The following AGBL4 variants were observed in gnomAD, a reference collection of about 807,000 sequenced individuals.
AGBL4 encodes cytosolic carboxypeptidase 6.
Under a neutral mutation model 66.4 loss-of-function variants are expected in AGBL4, and 58 were observed. The observed-to-expected ratio is 0.87, with a 90% confidence interval of 0.71 to 1.09. AGBL4 has a LOEUF of 1.09. Among genes scored for constraint, AGBL4 ranks in the 50% least tolerant of loss-of-function variants. The probability of loss-of-function intolerance (pLI) is 0.00; values close to 1 mark genes in which losing one functional copy is unlikely to be tolerated. For synonymous variants in AGBL4, 234 were observed against 222.9 expected, an observed-to-expected ratio of 1.05 and a Z score of -0.44; for missense variants, 579 against 631.0, an observed-to-expected ratio of 0.92 and a Z score of 0.88.
intron 5 of AGBL4, among the ~76,000 whole-genome samples, chr1:48,898,991 C>A (rs564692268): frequency 6.6e-6 from 1 of 152,340 alleles, no homozygotes; most frequent in South Asian, 2.1e-4. Flanking sequence ...TCCCCGACCC[C>A]AGAGTGATTG....
At chr1:49,574,170 G>T (rs555390279) in intron 3 of AGBL4, among the ~76,000 whole-genome samples, 1 of 152,096 alleles carries the variant, frequency 6.6e-6, no homozygotes, top group Admixed American at 6.6e-5. Flanking sequence ...GAACTGTTTC[G>T]GTTCTCTAAT....
chr1:49,389,247 T>C lies in AGBL4; in HGVS notation c.283-143383A>G, dbSNP rs192252866. ...GGGAGATCATCTGCCATCAATTTTTTTTTTATGTGTAAAAAGAGACTCAGA... is the reference window on the plus strand; with the variant it reads ...GGGAGATCATCTGCCATCAATTTTTCTTTTATGTGTAAAAAGAGACTCAGA... On this transcript the variant is annotated intron_variant, in intron 3 of 13. Transcript: ENST00000371839. Among the ~76,000 whole-genome samples the C allele has an allele frequency of 4.4e-4, 67 of 152,178 alleles. 1 individual carries two copies. The highest frequency in any genetic ancestry group is 1.4e-3 in the African/African-American group (60 of 41,534).
chr1:50,011,419 C>G (rs1205613656), intron 1 of AGBL4, among the ~76,000 whole-genome samples: 1 of 152,122 alleles, frequency 6.6e-6, no homozygotes, highest in African/African-American at 2.4e-5. Flanking sequence ...AGGGAACCCT[C>G]GTATACTGCT....
chr1:49,105,848 CT>C (rs1159638668), intron 4 of AGBL4, among the ~76,000 whole-genome samples: 3 of 152,230 alleles, frequency 2.0e-5, no homozygotes, highest in South Asian at 4.1e-4. Flanking sequence ...ATAAATGTTC[CT>C]TTTTTTGATG....
intron 5 of AGBL4, among the ~76,000 whole-genome samples, chr1:48,963,501 C>CTTT (rs1170684735): frequency 6.9e-6 from 1 of 144,026 alleles, no homozygotes; most frequent in African/African-American, 2.6e-5. Flanking sequence ...TAGAATTCAT[C>CTTT]TTTTTTTTTT....
intron 6 of AGBL4, among the ~76,000 whole-genome samples, chr1:48,723,907 C>T (rs1161818510): frequency 2.0e-5 from 3 of 152,280 alleles, no homozygotes; most frequent in Admixed American, 6.5e-5. Context: ...TGTAAATGGG[C>T]CACTTGGGTG....
At chr1:49,132,639 G>C (rs942771603) in intron 4 of AGBL4, among the ~76,000 whole-genome samples, 1 of 151,844 alleles carries the variant, frequency 6.6e-6, no homozygotes, top group Non-Finnish European at 1.5e-5. Flanking sequence ...GATCGAGCAG[G>C]GTATTATTGT....
intron 1 of AGBL4, among the ~76,000 whole-genome samples, chr1:49,966,155 G>T (rs936400625): frequency 1.3e-5 from 2 of 151,750 alleles, no homozygotes; most frequent in Non-Finnish European, 2.9e-5. Context: ...TGTTAGCCAG[G>T]GTGGTCTCAA....
At chr1:49,111,659 T>C (rs1222026227) in intron 4 of AGBL4, among the ~76,000 whole-genome samples, 1 of 152,240 alleles carries the variant, frequency 6.6e-6, no homozygotes, top group Non-Finnish European at 1.5e-5. Flanking sequence ...AAATTATATA[T>C]GTATTTCATT....
intron 1 of AGBL4, among the ~76,000 whole-genome samples, chr1:49,915,546 C>A (rs558520447): frequency 6.6e-6 from 1 of 152,140 alleles, no homozygotes; most frequent in African/African-American, 2.4e-5. Context: ...AAGGGGCACC[C>A]GCCATTGCTG....
At chr1:49,500,154 G>T (rs990226515) in intron 3 of AGBL4, among the ~76,000 whole-genome samples, 15 of 151,976 alleles carry the variant, frequency 9.9e-5, no homozygotes, top group Admixed American at 9.8e-4. Context: ...TCATATGTTT[G>T]TTAGCCATTT....
intron 11 of AGBL4, 122 bp downstream of exon 11, chr1:48,586,882 T>G: frequency 3.8e-6 from 5 of 1,310,180 alleles, no homozygotes; most frequent in Non-Finnish European, 5.4e-6. Context: ...AAGAAGCACC[T>G]CCATCCTCAC....
At chr1:48,657,976 A>T (rs1399596067) in intron 7 of AGBL4, among the ~76,000 whole-genome samples, 2 of 152,200 alleles carry the variant, frequency 1.3e-5, no homozygotes, top group East Asian at 3.9e-4. Flanking sequence ...CTATATTTTT[A>T]GTGCCTAGCT....
At chr1:49,333,463 C>T (rs1436151584) in intron 3 of AGBL4, among the ~76,000 whole-genome samples, 2 of 152,046 alleles carry the variant, frequency 1.3e-5, no homozygotes, top group East Asian at 1.9e-4. Flanking sequence ...GGCAACAGAG[C>T]GAGACTCTGT....
intron 5 of AGBL4, among the ~76,000 whole-genome samples, chr1:48,912,988 G>A (rs1414449884): frequency 6.6e-6 from 1 of 152,050 alleles, no homozygotes; most frequent in Non-Finnish European, 1.5e-5. Context: ...GGTGAAAGGG[G>A]CAAGGAAAAT....
chr1:49,700,340 TAGAC>T lies in AGBL4; in HGVS notation c.158-2907_158-2904del, dbSNP rs1250002569. 8.0e-5 allele frequency among the ~76,000 whole-genome samples: 11 copies of T among 137,062 alleles called. No individual in the cohort carries two copies. In the East Asian group the frequency reaches 8.1e-4, roughly 10 times the overall value. The allele number at this position is 137,062 out of a possible 152,430, so 89.9% of individuals were successfully genotyped here. On this transcript the variant is annotated intron_variant, in intron 2 of 13. Transcript: ENST00000371839. Reference sequence around the variant, plus strand: ...ATAGATAGATAGATAGATAGATAGATAGACAGATAGATCTTTAAAGTATGTAAGT... The same window carrying T: ...ATAGATAGATAGATAGATAGATAGATAGATAGATCTTTAAAGTATGTAAGT...
At chr1:48,980,699 G>A (rs1659678489) in intron 5 of AGBL4, among the ~76,000 whole-genome samples, 1 of 116,926 alleles carries the variant, frequency 8.6e-6, no homozygotes, top group Non-Finnish European at 1.7e-5. Flanking sequence ...TGGAATTAGT[G>A]TTTAAAAAGT....
chr1:49,490,122 G>A (rs1469114998), intron 3 of AGBL4, among the ~76,000 whole-genome samples: 8 of 151,682 alleles, frequency 5.3e-5, no homozygotes, highest in African/African-American at 1.7e-4. Flanking sequence ...TTTTCTTTAA[G>A]AGAAATGTTT....
intron 1 of AGBL4, among the ~76,000 whole-genome samples, chr1:50,013,044 T>C (rs1452680374): frequency 2.6e-5 from 4 of 152,166 alleles, no homozygotes; most frequent in Non-Finnish European, 4.4e-5. Context: ...TAAAAATATA[T>C]ACAGTACTTC....
Sources: gnomAD v4.1 joint callset for allele counts (sites outside exome capture counted in the v4.1 genomes callset) on GRCh38, gnomAD v4.1.1 for gene constraint, MANE v1.5 for transcripts, NCBI Gene and HGNC (gene_info 2026-07-23, HGNC 2026-07-21) for gene names.